Variants in PVT1 observed in about 807,000 individuals in gnomAD.
PVT1 encodes the protein CXCR4/PVT1 fusion.
intron 2 of PVT1, among the ~76,000 whole-genome samples, chr8:127,808,102 T>TAGTG (rs1394934236): frequency 6.6e-6 from 1 of 151,816 alleles, no homozygotes; most frequent in Non-Finnish European, 1.5e-5. Flanking sequence ...GGCTGGAATG[T>TAGTG]AGTGAAGCAA....
intron 4 of PVT1, among the ~76,000 whole-genome samples, chr8:128,041,958 T>G (rs1333360425): frequency 3.3e-5 from 5 of 152,232 alleles, no homozygotes; most frequent in African/African-American, 1.2e-4. Flanking sequence ...CATCCAGCCA[T>G]TCCTTCTCCT....
intron 3 of PVT1, among the ~76,000 whole-genome samples, chr8:127,953,022 C>T (rs139546412): frequency 2.6e-5 from 4 of 152,248 alleles, no homozygotes; most frequent in East Asian, 3.9e-4. Flanking sequence ...CCTTGGCCTC[C>T]GAAAGTGCTG....
chr8:127,977,040 G>A (rs529978257), intron 3 of PVT1, among the ~76,000 whole-genome samples: 8 of 152,260 alleles, frequency 5.3e-5, no homozygotes, highest in African/African-American at 7.2e-5. Context: ...AGAATACTTC[G>A]TACCACTTAG....
chr8:128,038,805 C>T (rs1326299194), intron 4 of PVT1, among the ~76,000 whole-genome samples: 2 of 152,128 alleles, frequency 1.3e-5, no homozygotes, highest in Admixed American at 6.5e-5. Flanking sequence ...CTTATAGGTA[C>T]GTTGAATCTG....
intron 4 of PVT1, among the ~76,000 whole-genome samples, chr8:128,060,799 C>T (rs1198864877): frequency 1.3e-5 from 2 of 152,050 alleles, no homozygotes; most frequent in Non-Finnish European, 2.9e-5. Flanking sequence ...ATTTACATAC[C>T]GTACAATTTA....
chr8:128,021,501 G>A (rs964154946), intron 4 of PVT1, among the ~76,000 whole-genome samples: 1 of 152,064 alleles, frequency 6.6e-6, no homozygotes, highest in East Asian at 1.9e-4. Context: ...CACCATGTTA[G>A]CCAGGATGGT....
intron 4 of PVT1, among the ~76,000 whole-genome samples, chr8:128,059,984 T>C (rs1004835887): frequency 2.0e-5 from 3 of 152,076 alleles, no homozygotes; most frequent in Non-Finnish European, 4.4e-5. Flanking sequence ...AGGCTGGGCG[T>C]GGTGGCTCAT....
chr8:127,901,560 G>T (rs1432129859), intron 3 of PVT1, among the ~76,000 whole-genome samples: 1 of 152,100 alleles, frequency 6.6e-6, no homozygotes, highest in African/African-American at 2.4e-5. Context: ...AACAAGGAAT[G>T]ATTTTTTTCT....
chr8:128,066,797 A>T (rs1813916608), intron 4 of PVT1, among the ~76,000 whole-genome samples: 1 of 151,730 alleles, frequency 6.6e-6, no homozygotes, highest in African/African-American at 2.4e-5. Flanking sequence ...CTCACAAATG[A>T]CTCTCATCAG....
intron 4 of PVT1, among the ~76,000 whole-genome samples, chr8:128,064,695 C>T (rs1408532359): frequency 6.6e-6 from 1 of 152,178 alleles, no homozygotes; most frequent in Non-Finnish European, 1.5e-5. Context: ...CAAAGACCCA[C>T]AAACAAACTT....
chr8:127,868,833 T>A (rs567917934), intron 2 of PVT1, among the ~76,000 whole-genome samples: 42 of 13,784 alleles, frequency 3.0e-3, no homozygotes, highest in African/African-American at 0.011. Context: ...ATGTATTATC[T>A]CTTTACTTTT....
chr8:127,998,875 CTT>C (rs35764830), intron 4 of PVT1, among the ~76,000 whole-genome samples: 51 of 145,196 alleles, frequency 3.5e-4, no homozygotes, highest in African/African-American at 1.3e-3. Flanking sequence ...CTCTCTCTCT[CTT>C]TTTTTGGTGC....
At chr8:127,905,633 G>GT (rs200452788) in intron 3 of PVT1, among the ~76,000 whole-genome samples, 17 of 151,360 alleles carry the variant, frequency 1.1e-4, no homozygotes, top group Admixed American at 5.3e-4. Context: ...GGACCTGTGG[G>GT]TTTTTTTTTG....
intron 5 of PVT1, among the ~76,000 whole-genome samples, chr8:128,076,562 G>A (rs1814092370): frequency 1.3e-5 from 2 of 152,168 alleles, no homozygotes; most frequent in Admixed American, 6.5e-5. Context: ...AAAAGGTTGT[G>A]GACCCCTGAA....
intron 5 of PVT1, among the ~76,000 whole-genome samples, chr8:128,077,593 T>C (rs959376034): frequency 6.6e-6 from 1 of 152,206 alleles, no homozygotes. Flanking sequence ...AAAAAGGCAG[T>C]ACCACGAATA....
intron 3 of PVT1, among the ~76,000 whole-genome samples, chr8:127,964,727 C>T (rs1394627873): frequency 6.6e-6 from 1 of 152,298 alleles, no homozygotes; most frequent in East Asian, 1.9e-4. Context: ...CTTGTCTCCA[C>T]GTACCTTCTC....
At position 128,066,676 on chromosome 8, in the gene PVT1, C is replaced by T. The variant is rs962019914; in HGVS notation, n.913-3484C>T. On this transcript the variant is annotated intron_variant and non_coding_transcript_variant, in intron 4 of 10. Transcript: ENST00000651587. ...TCTAATGACTTGGTGTTGACCACCA[C>T]GCCTGTAGGTGGGAGGTGGCAGCTC... Among the ~76,000 whole-genome samples the T allele has an allele frequency of 4.6e-5, 7 of 152,170 alleles. No homozygotes were observed. In the South Asian group the frequency reaches 1.0e-3, roughly 23 times the overall value.
intron 2 of PVT1, chr8:127,854,626 G>A (rs1379066029): frequency 1.3e-5 from 2 of 152,270 alleles, no homozygotes; most frequent in African/African-American, 4.8e-5. Flanking sequence ...ATCCAGCATC[G>A]AAGAGTTCAG....
At chr8:128,092,956 C>T (rs1019032723) in intron 5 of PVT1, among the ~76,000 whole-genome samples, 1 of 152,328 alleles carries the variant, frequency 6.6e-6, no homozygotes, top group Admixed American at 6.5e-5. Flanking sequence ...GTGCCCCCAC[C>T]TCCTGTGGCT....
Sources: allele counts gnomAD v4.1 joint callset (sites outside exome capture counted in the v4.1 genomes callset), GRCh38; gene constraint gnomAD v4.1.1; transcripts MANE v1.5; gene names NCBI Gene and HGNC (gene_info 2026-07-23, HGNC 2026-07-21).